The following PARP4 variants were observed in gnomAD, a reference collection of about 807,000 sequenced individuals.
The protein encoded by PARP4 is protein mono-ADP-ribosyltransferase PARP4.
PARP4 carries 120 observed loss-of-function variants against 187.7 expected under a neutral mutation model. The observed-to-expected ratio is 0.64, with a 90% CI of 0.55 to 0.74. PARP4 has a LOEUF of 0.74. Among genes scored for constraint, PARP4 ranks in the 30% least tolerant of loss-of-function variants. The pLI is 0.00. For synonymous variants in PARP4, 654 were observed against 740.9 expected, an observed-to-expected ratio of 0.88 and a Z score of 1.90; for missense variants, 1,836 against 2,070.5, an observed-to-expected ratio of 0.89 and a Z score of 2.20.
chr13:24,497,743 T>G (rs1386177024), intron 6 of PARP4, among the ~76,000 whole-genome samples: 2 of 152,138 alleles, frequency 1.3e-5, no homozygotes, highest in Non-Finnish European at 2.9e-5. Flanking sequence ...GGTAATTGAT[T>G]AATTAAGTGA....
intron 15 of PARP4, among the ~76,000 whole-genome samples, chr13:24,473,040 C>T (rs1872799351): frequency 6.6e-6 from 1 of 152,022 alleles, no homozygotes; most frequent in Non-Finnish European, 1.5e-5. Flanking sequence ...AAGCCATCCT[C>T]CCATCTCGAC....
intron 17 of PARP4, among the ~76,000 whole-genome samples, chr13:24,467,069 G>T (rs553077427): frequency 4.9e-4 from 74 of 152,280 alleles, no homozygotes; most frequent in African/African-American, 1.8e-3. Flanking sequence ...GTAGTATAGG[G>T]TTATAGTGAC....
rs1431925895 is a variant in PARP4 at position 24,460,028 on chromosome 13, T to C, written c.2242A>G (p.Met748Val). The C allele has an allele frequency of 1.2e-6, 2 of 1,614,054 alleles. No individual in the cohort carries two copies. Among genetic ancestry groups the C allele is most frequent in the South Asian group, 2.2e-5 (2 of 91,078 alleles). ...SILGTVGVFF[M>V]PATVAPWQQD... ...TGCCAGGGTGCTACGGTGGCGGGCA[T>C]GAAAAAGACACCAACAGTGCCCAGG... The change falls in exon 18 of 34, where the codon ATG becomes GTG. Residue 748 changes from methionine (M) to valine (V), a missense_variant. Physicochemically the swap from Met to Val is conservative, Grantham distance 21 (BLOSUM62 1). Around this residue, in one of 8 missense-constraint regions of PARP4, gnomAD observed 1,147 missense variants for 1,214.2 expected, o/e 0.94. Transcript: ENST00000381989.
chr13:24,454,164 G>T (rs1871692572), intron 22 of PARP4, among the ~76,000 whole-genome samples: 1 of 152,140 alleles, frequency 6.6e-6, no homozygotes, highest in Non-Finnish European at 1.5e-5. Context: ...TTCAAACCGT[G>T]GTGCTTTACT....
chr13:24,460,075 G>A lies in PARP4; in HGVS notation c.2195C>T (p.Thr732Ile). 6.2e-7 allele frequency: 1 copy of A among 1,613,994 alleles called. No homozygotes were observed. ...PPKAKVLIKITYITELSILGT... is the reference protein window; with the variant it reads ...PPKAKVLIKIIYITELSILGT... ...CAGGATGCTGAGTTCTGTGATGTAG[G>A]TAATTTTTATAAGAACCTTAGCCTT... Residue 732 changes from threonine (T) to isoleucine (I), a missense_variant, in exon 18 of 34, where the codon ACC (threonine) becomes ATC (isoleucine). This residue lies in a region of PARP4 where 1,147 missense variants were observed against 1,214.2 expected (regional missense o/e 0.94). Coordinates refer to ENST00000381989, the MANE Select transcript of PARP4 (RefSeq NM_006437.4).
chr13:24,471,806 C>T (rs1188287140), intron 15 of PARP4, among the ~76,000 whole-genome samples: 1 of 152,192 alleles, frequency 6.6e-6, no homozygotes, highest in Non-Finnish European at 1.5e-5. Context: ...TCCCTGTAAC[C>T]TCGTCATAAT....
At chr13:24,471,093 C>A (rs1217023312) in intron 15 of PARP4, among the ~76,000 whole-genome samples, 1 of 152,206 alleles carries the variant, frequency 6.6e-6, no homozygotes, top group Non-Finnish European at 1.5e-5. Flanking sequence ...TGAGGAGGCA[C>A]CAGGACTGGG....
intron 6 of PARP4, among the ~76,000 whole-genome samples, chr13:24,495,033 G>T (rs1201958904): frequency 6.6e-6 from 1 of 151,954 alleles, no homozygotes; most frequent in Non-Finnish European, 1.5e-5. Context: ...CACCACACCT[G>T]GCTAATTTTT....
At chr13:24,425,182 T>G (rs958268935) in intron 33 of PARP4, among the ~76,000 whole-genome samples, 2 of 152,092 alleles carry the variant, frequency 1.3e-5, no homozygotes, top group Non-Finnish European at 2.9e-5. Context: ...ACACCTGTAG[T>G]CCCAGTTACT....
chr13:24,475,339 C>T, intron 15 of PARP4, 133 bp downstream of exon 15: 2 of 855,946 alleles, frequency 2.3e-6, no homozygotes, highest in Non-Finnish European at 3.7e-6. Flanking sequence ...ATGGAGTGCT[C>T]AGTGAATATC....
intron 30 of PARP4, among the ~76,000 whole-genome samples, chr13:24,441,393 G>C (rs1242521081): frequency 6.6e-6 from 1 of 152,072 alleles, no homozygotes; most frequent in Non-Finnish European, 1.5e-5. Flanking sequence ...CTTTGTTTTT[G>C]AATTTTTCTT....
chr13:24,453,003 C>T (rs949223306), intron 23 of PARP4, among the ~76,000 whole-genome samples: 1 of 152,004 alleles, frequency 6.6e-6, no homozygotes, highest in Non-Finnish European at 1.5e-5. Context: ...GGCACAATCT[C>T]GGCTCACTGC....
In PARP4 at chr13:24,434,718, G is replaced by T; in HGVS notation, c.4423C>A (p.Leu1475Ile). Residue 1475 changes from leucine (L) to isoleucine (I), a missense_variant, in exon 31 of 34, where the codon CTT (leucine) becomes ATT (isoleucine). Leu to Ile is a conservative substitution (Grantham distance 5). Transcript: ENST00000381989. Reference sequence around the variant, plus strand: ...AAAGCAGAGGCCATTGGCAGCCTAAGGTTGGCAGTCAAAGAGGCTGCGGAA... The same window carrying T: ...AAAGCAGAGGCCATTGGCAGCCTAATGTTGGCAGTCAAAGAGGCTGCGGAA... ...QPSAASLTAN[L>I]RLPMASALPE... The T allele has an allele frequency of 6.2e-7, 1 of 1,614,092 alleles. No homozygotes were observed. Among genetic ancestry groups the T allele is most frequent in the Non-Finnish European group, 8.5e-7 (1 of 1,180,008 alleles).
chr13:24,489,967 C>G (rs913929195), intron 10 of PARP4, among the ~76,000 whole-genome samples: 13 of 152,302 alleles, frequency 8.5e-5, no homozygotes, highest in African/African-American at 2.9e-4. Context: ...TGTGCGGCTA[C>G]AACTCACCAC....
intron 13 of PARP4, 93 bp from the exon 14 acceptor site, chr13:24,477,950 T>G (rs1873071694): frequency 8.8e-7 from 1 of 1,136,066 alleles, no homozygotes; most frequent in Admixed American, 2.6e-5. Context: ...TTTGCTAATT[T>G]AGAAAATGTT....
rs2137483673 is a variant in PARP4 at position 24,460,143 on chromosome 13, C to T, written c.2134-7G>A. ...CACTTACAGTAAAAACGTCCTGAAA[C>T]AGAAACATATGACTTAGCTTCCAAC... On this transcript the variant is annotated splice_region_variant and splice_polypyrimidine_tract_variant and intron_variant, in intron 17 of 33. Coordinates refer to ENST00000381989, the MANE Select transcript of PARP4 (RefSeq NM_006437.4). 6.2e-7 allele frequency: 1 copy of T among 1,610,554 alleles called. No individual in the cohort carries two copies. Among genetic ancestry groups the T allele is most frequent in the Non-Finnish European group, 8.5e-7 (1 of 1,178,232 alleles).
chr13:24,453,844 G>A (rs1871667303), intron 22 of PARP4, among the ~76,000 whole-genome samples, 190 bp from the exon 23 acceptor site: 2 of 152,212 alleles, frequency 1.3e-5, no homozygotes, highest in South Asian at 2.1e-4. Context: ...GCCAGGCACG[G>A]TGGCTCATGC....
chr13:24,499,673 C>T lies in PARP4; in HGVS notation c.402-297G>A, dbSNP rs1593652942. Among the ~76,000 whole-genome samples, 5 of 152,218 alleles carry T rather than the reference C, an allele frequency of 3.3e-5. No individual in the cohort carries two copies. In the South Asian group the frequency reaches 6.2e-4, roughly 19 times the overall value. On this transcript the variant is annotated intron_variant, in intron 4 of 33. Coordinates refer to ENST00000381989, the MANE Select transcript of PARP4 (RefSeq NM_006437.4). ...GCGGCAGAGGCAGAAAGAAGTGGGC[C>T]GCACACTCTGGGGATGGGCTACTTG...
chr13:24,458,028 G>C (rs1223583501), intron 20 of PARP4, among the ~76,000 whole-genome samples: 1 of 151,862 alleles, frequency 6.6e-6, no homozygotes, highest in Non-Finnish European at 1.5e-5. Flanking sequence ...CTAGCACTTC[G>C]GGAAGCCAGA....
Sources: gnomAD v4.1 joint callset for allele counts (sites outside exome capture counted in the v4.1 genomes callset) on GRCh38, gnomAD v4.1.1 for gene constraint, gnomAD v4.1.1 regional missense constraint, MANE v1.5 for transcripts, NCBI Gene and HGNC (gene_info 2026-07-23, HGNC 2026-07-21) for gene names.